Variants in OR56A1 observed in about 807,000 individuals in gnomAD.
The protein encoded by OR56A1 is olfactory receptor family 56 subfamily A member 1.
For synonymous variants in OR56A1, 174 were observed against 159.1 expected (o/e 1.09, Z -0.70); for missense variants, 360 against 380.9 (o/e 0.94, Z 0.46).
In OR56A1 at chr11:6,023,175, T is replaced by C. The variant is rs1189078605; in HGVS notation, c.*3573A>G. The stretch of plus-strand genomic sequence containing the variant: ...CCCACAAATAGCCACAAAGGGGCAA[T>C]GTTGACTTGCCAACTATGAAGAGTT... On this transcript the variant is annotated 3_prime_UTR_variant, in exon 2 of 2. Coordinates refer to ENST00000641900, the MANE Select transcript of OR56A1 (RefSeq NM_001388488.1). The C allele has an allele frequency of 1.3e-5, 2 of 152,164 alleles. No homozygotes were observed. The highest frequency in any genetic ancestry group is 3.2e-3 in the Middle Eastern group (1 of 314). 9.4% of individuals were successfully genotyped at this position (152,164 alleles called of 1,614,324 possible).
At chr11:6,027,854 T>C in intron 1 of OR56A1, 128 bp from the exon 2 acceptor site, 1 of 625,432 alleles carries the variant, frequency 1.6e-6, no homozygotes, top group Non-Finnish European at 2.8e-6. Flanking sequence ...TTTCAGCCAA[T>C]ATTCTAAAGG....
rs568431177 is a variant in OR56A1, at chr11:6,024,555, C to T, written c.*2193G>A. 2 of 152,132 alleles carry T rather than the reference C, an allele frequency of 1.3e-5. No individual in the cohort carries two copies. The highest frequency in any genetic ancestry group is 2.9e-5 in the Non-Finnish European group (2 of 68,012). 9.4% of individuals were successfully genotyped at this position (152,132 alleles called of 1,614,324 possible). On this transcript the variant is annotated 3_prime_UTR_variant, in exon 2 of 2. Transcript: ENST00000641900. ...ACCTGATTACAGATGTATTATATTCCTATGAATTATATCCTATTAGATTCC... is the reference window on the plus strand; with the variant it reads ...ACCTGATTACAGATGTATTATATTCTTATGAATTATATCCTATTAGATTCC...
rs1378832598 is a variant in OR56A1 at position 6,026,763 on chromosome 11, C to A, written c.930G>T (p.Leu310=). ...KEIKQGIQKL[L]QRGR ...CTTTACATATTCACCTCCCTCTCTG[C>A]AGTAACTTCTGAATTCCCTGTTTTA... The change falls in exon 2 of 2, where the codon CTG becomes CTT. Residue 310 remains leucine (L), a synonymous_variant. Transcript: ENST00000641900. 1.3e-6 allele frequency: 2 copies of A among 1,594,344 alleles called. No individual in the cohort carries two copies. Among genetic ancestry groups the A allele is most frequent in the East Asian group, 2.2e-5 (1 of 44,782 alleles).
chr11:6,026,867 G>A lies in OR56A1; in HGVS notation c.826C>T (p.Leu276=). ...TGATGAAGGACGTTCAGCAGGATCA[G>A]GATGTCCATGGGGACCTTCTTTCTG... ...VARKKVPMDI[L]ILLNVLHHLI... The change falls in exon 2 of 2, where the codon CTG becomes TTG. Residue 276 remains leucine, a synonymous_variant. Coordinates refer to ENST00000641900, the MANE Select transcript of OR56A1 (RefSeq NM_001388488.1). 1.9e-6 allele frequency: 3 copies of A among 1,614,132 alleles called. No homozygotes were observed. Among genetic ancestry groups the A allele is most frequent in the Non-Finnish European group, 2.5e-6 (3 of 1,179,924 alleles).
upstream of OR56A1, among the ~76,000 whole-genome samples, chr11:6,031,962 G>T (rs548293676): frequency 6.6e-6 from 1 of 152,200 alleles, no homozygotes; most frequent in East Asian, 1.9e-4. Context: ...TTAAGAATAA[G>T]ATGCCCCAGA....
At chr11:6,031,621 C>T (rs1208841653), upstream of OR56A1, among the ~76,000 whole-genome samples, 1 of 151,954 alleles carries the variant, frequency 6.6e-6, no homozygotes, top group Non-Finnish European at 1.5e-5. Flanking sequence ...CCAGAGTGAC[C>T]CCCGGTTTAC....
chr11:6,028,078 A>T lies in OR56A1; in HGVS notation c.-34-352T>A, dbSNP rs557748275. On this transcript the variant is annotated intron_variant, in intron 1 of 1. Transcript: ENST00000641900. ...TAAGTTTTTTAATAAATCATTTTGG[A>T]GAAAAATAGCTTTAATTAGGTCTTT... 2.6e-5 allele frequency among the ~76,000 whole-genome samples: 4 copies of T among 152,280 alleles called. No individual in the cohort carries two copies. In the East Asian group the frequency reaches 7.7e-4, roughly 29 times the overall value.
At position 6,027,151 on chromosome 11, in the gene OR56A1, A is replaced by G. The variant is rs1403796116; in HGVS notation, c.542T>C (p.Ile181Thr). ...CCTGGACACAGACAAGTTGGCACAG[A>G]TGCAGTTCTCAATGACATTTTCCCC... Reference protein sequence around the residue: ...YCGENVIENCICANLSVSRLS... With the variant: ...YCGENVIENCTCANLSVSRLS... Residue 181 changes from isoleucine (I) to threonine (T), a missense_variant, in exon 2 of 2, where the codon ATC (isoleucine) becomes ACC (threonine). Coordinates refer to ENST00000641900, the MANE Select transcript of OR56A1 (RefSeq NM_001388488.1). 6.2e-7 allele frequency: 1 copy of G among 1,614,232 alleles called. No individual in the cohort carries two copies. Among genetic ancestry groups the G allele is most frequent in the Non-Finnish European group, 8.5e-7 (1 of 1,180,032 alleles).
chr11:6,028,859 A>G (rs1281269678), intron 1 of OR56A1, among the ~76,000 whole-genome samples: 2 of 152,344 alleles, frequency 1.3e-5, no homozygotes, highest in African/African-American at 4.8e-5. Flanking sequence ...AGCACTATAC[A>G]CAATAGCAAA....
Position 6,022,166 on chromosome 11 carries a change from G to A in OR56A1, c.*4582C>T, listed in dbSNP as rs1848403204. On this transcript the variant is annotated 3_prime_UTR_variant, in exon 2 of 2. Transcript: ENST00000641900. ...CTCTTTTGCAAGCAGCTGGATCTAT[G>A]TGAGGAGTCTGGCCGATGAAATGAT... 6.6e-6 allele frequency: 1 copy of A among 152,134 alleles called. No homozygotes were observed. The highest frequency in any genetic ancestry group is 2.1e-4 in the South Asian group (1 of 4,822). 9.4% of individuals were successfully genotyped at this position (152,134 alleles called of 1,614,324 possible). A position where few individuals can be genotyped will look rare whatever the true frequency, so the allele number is the denominator to read the frequency against.
At chr11:6,028,658 T>A (rs12364113) in intron 1 of OR56A1, among the ~76,000 whole-genome samples, 42,961 of 151,976 alleles carry the variant, frequency 0.28, 6,836 homozygotes, top group Admixed American at 0.35. Flanking sequence ...TGCCAACATG[T>A]ATAAGGGAAC....
intron 1 of OR56A1, among the ~76,000 whole-genome samples, chr11:6,028,251 C>A (rs1226561201): frequency 6.6e-6 from 1 of 151,304 alleles, no homozygotes; most frequent in African/African-American, 2.4e-5. Context: ...TATAACTATT[C>A]ATTTCCCACA....
At position 6,025,445 on chromosome 11, in the gene OR56A1, C is replaced by G. The variant is rs74053060; in HGVS notation, c.*1303G>C. 0.052 allele frequency: 7,900 copies of G among 152,260 alleles called. 291 individuals carry two copies. The highest frequency in any genetic ancestry group is 0.12 in the African/African-American group (4,783 of 41,514). 9.4% of individuals were successfully genotyped at this position (152,260 alleles called of 1,614,324 possible). ...CTCTTTCTGTCTGTTCCTGTCTTGT[C>G]AGTATTCCTTAGCAGCAACTCTTTA... On this transcript the variant is annotated 3_prime_UTR_variant, in exon 2 of 2. Transcript: ENST00000641900.
upstream of OR56A1, among the ~76,000 whole-genome samples, chr11:6,032,061 A>T (rs1848518022): frequency 6.6e-6 from 1 of 152,160 alleles, no homozygotes; most frequent in African/African-American, 2.4e-5. Flanking sequence ...AATATTCATT[A>T]AATATTATAA....
In OR56A1 at chr11:6,027,068, A is replaced by T. The variant is rs1408499357; in HGVS notation, c.625T>A (p.Leu209Met). 6.2e-7 allele frequency: 1 copy of T among 1,614,236 alleles called. No individual in the cohort carries two copies. The highest frequency in any genetic ancestry group is 1.1e-5 in the South Asian group (1 of 91,088). The change falls in exon 2 of 2, where the codon TTG (leucine) becomes ATG (methionine). Residue 209 changes from leucine (L) to methionine (M), a missense_variant. By Grantham distance (15) the Leu-to-Met change is conservative. Transcript: ENST00000641900. ...RIYQFVAGWT[L>M]LGSDLFLIFL... is the part of the protein sequence containing the mutation. ...ATGAGGAATAAATCTGAGCCCAGCA[A>T]GGTCCAACCAGCCACAAATTGGTAG...
rs1234873109 is a variant in OR56A1 at position 6,019,790 on chromosome 11, A to G, written c.*6958T>C. The G allele has an allele frequency of 6.6e-6, 1 of 152,134 alleles. No individual in the cohort carries two copies. Among genetic ancestry groups the G allele is most frequent in the Non-Finnish European group, 1.5e-5 (1 of 67,982 alleles). The allele number at this position is 152,134 out of a possible 1,614,324, so 9.4% of individuals were successfully genotyped here. ...AAATTCAAGTTCTCATTAAGCCAAA[A>G]GTGAATGTCAGAAGGCTTTTTCTCA... On this transcript the variant is annotated 3_prime_UTR_variant, in exon 2 of 2. Transcript: ENST00000641900.
At chr11:6,032,289 T>C (rs4397825), upstream of OR56A1, among the ~76,000 whole-genome samples, 82,546 of 151,882 alleles carry the variant, frequency 0.54, 23,213 homozygotes, top group East Asian at 0.95. Flanking sequence ...AAAGAGTAAA[T>C]ATTCAGAAGG....
At chr11:6,028,785 G>A (rs924193139) in intron 1 of OR56A1, among the ~76,000 whole-genome samples, 1 of 151,968 alleles carries the variant, frequency 6.6e-6, no homozygotes, top group South Asian at 2.1e-4. Context: ...CTACTACTAG[G>A]TATCTACCTA....
Position 6,021,941 on chromosome 11 carries a change from C to T in OR56A1, c.*4807G>A, listed in dbSNP as rs974896781. 9 of 152,190 alleles carry T rather than the reference C, an allele frequency of 5.9e-5. No homozygotes were observed. The highest frequency in any genetic ancestry group is 1.9e-4 in the East Asian group (1 of 5,176). 9.4% of individuals were successfully genotyped at this position (152,190 alleles called of 1,614,324 possible). On this transcript the variant is annotated 3_prime_UTR_variant, in exon 2 of 2. Coordinates refer to ENST00000641900, the MANE Select transcript of OR56A1 (RefSeq NM_001388488.1). ...ATTTCCAGTTGGAAATCATCTGCTCCGCCATTAATAGAGAGACAGAATATC... is the reference window on the plus strand; with the variant it reads ...ATTTCCAGTTGGAAATCATCTGCTCTGCCATTAATAGAGAGACAGAATATC...
Sources: gnomAD v4.1 joint callset for allele counts (sites outside exome capture counted in the v4.1 genomes callset) on GRCh38, gnomAD v4.1.1 for gene constraint, MANE v1.5 for transcripts, NCBI Gene and HGNC (gene_info 2026-07-23, HGNC 2026-07-21) for gene names.